The following HDAC9 variants were observed in gnomAD, a reference collection of about 807,000 sequenced individuals.
HDAC9 encodes the protein histone deacetylase 9, also known as MEF-2 interacting transcription repressor (MITR) protein.
Under a neutral mutation model 139.4 loss-of-function variants are expected in HDAC9, and 41 were observed. That is an observed-to-expected ratio of 0.29 (90% CI 0.23 to 0.38). The LOEUF (loss-of-function observed/expected upper bound fraction) is 0.38. Ranked by LOEUF, HDAC9 falls within the 10% of genes least tolerant of loss-of-function variation. The probability of loss-of-function intolerance (pLI) is 1.00; values close to 1 mark genes in which losing one functional copy is unlikely to be tolerated. For missense variants in HDAC9, 1,147 were observed against 1,297.0 expected, an observed-to-expected ratio of 0.88 and a Z score of 1.78; for synonymous variants, 517 against 476.2, an observed-to-expected ratio of 1.09 and a Z score of -1.12.
At chr7:18,611,956 A>T (rs1837283769) in intron 6 of HDAC9, among the ~76,000 whole-genome samples, 1 of 152,296 alleles carries the variant, frequency 6.6e-6, no homozygotes, top group Middle Eastern at 3.4e-3. Flanking sequence ...TTCAAAGGTG[A>T]AACCTGTTTC....
intron 1 of HDAC9, among the ~76,000 whole-genome samples, chr7:18,388,448 T>G (rs2128720822): frequency 6.6e-6 from 1 of 152,330 alleles, no homozygotes; most frequent in East Asian, 1.9e-4. Flanking sequence ...AAGGAGGAAG[T>G]ATTTTTGAGA....
intron 1 of HDAC9, among the ~76,000 whole-genome samples, chr7:18,357,569 A>G (rs1783419787): frequency 6.6e-6 from 1 of 151,700 alleles, no homozygotes; most frequent in Admixed American, 6.6e-5. Flanking sequence ...AAAAATAACA[A>G]TACATAATTA....
intron 8 of HDAC9, among the ~76,000 whole-genome samples, chr7:18,641,750 A>T (rs188000793): frequency 8.6e-5 from 13 of 152,042 alleles, no homozygotes; most frequent in African/African-American, 2.7e-4. Context: ...GCTCACTGCA[A>T]TGCTAAGGTG....
intron 2 of HDAC9, among the ~76,000 whole-genome samples, chr7:18,557,382 T>C (rs1351723461): frequency 6.6e-6 from 1 of 150,890 alleles, no homozygotes; most frequent in African/African-American, 2.4e-5. Context: ...CCTCCTGGTA[T>C]ACTTTAAAGT....
chr7:18,743,775 C>T (rs1787673533), intron 13 of HDAC9, among the ~76,000 whole-genome samples: 1 of 151,704 alleles, frequency 6.6e-6, no homozygotes, highest in Non-Finnish European at 1.5e-5. Context: ...GATAGATTAG[C>T]ATTATGGATA....
intron 1 of HDAC9, among the ~76,000 whole-genome samples, chr7:18,394,370 AGAGATAT>A (rs1786829005): frequency 6.6e-6 from 1 of 152,174 alleles, no homozygotes; most frequent in Non-Finnish European, 1.5e-5. Context: ...TAGAATCCTT[AGAGATAT>A]TGCTCAGCAT....
chr7:18,985,177 T>C (rs1380392233), intron 25 of HDAC9, among the ~76,000 whole-genome samples: 2 of 152,046 alleles, frequency 1.3e-5, no homozygotes, highest in East Asian at 1.9e-4. Flanking sequence ...CACCCACTAA[T>C]TCGTCATCTA....
chr7:18,248,631 C>A (rs535350625), intron 2 of HDAC9, among the ~76,000 whole-genome samples: 6 of 152,298 alleles, frequency 3.9e-5, no homozygotes, highest in African/African-American at 1.2e-4. Flanking sequence ...GAATGAAAAT[C>A]AGCTTTTTTC....
intron 25 of HDAC9, among the ~76,000 whole-genome samples, chr7:18,977,491 G>T (rs1287084526): frequency 6.6e-6 from 1 of 152,202 alleles, no homozygotes; most frequent in Non-Finnish European, 1.5e-5. Context: ...GTGATGTTAT[G>T]AGCCTCAAGT....
chr7:18,354,218 AG>A (rs1365361239), intron 1 of HDAC9, among the ~76,000 whole-genome samples: 1 of 152,186 alleles, frequency 6.6e-6, no homozygotes, highest in East Asian at 1.9e-4. Context: ...TAGGGAAAAA[AG>A]TCACTTTAAA....
chr7:18,630,854 A>C (rs1315210322), intron 7 of HDAC9, among the ~76,000 whole-genome samples: 1 of 152,066 alleles, frequency 6.6e-6, no homozygotes, highest in South Asian at 2.1e-4. Context: ...GTTTTAATGA[A>C]TGTGAAGAAT....
chr7:18,688,545 T>C (rs1453063278), intron 12 of HDAC9, among the ~76,000 whole-genome samples: 2 of 151,928 alleles, frequency 1.3e-5, no homozygotes, highest in Non-Finnish European at 2.9e-5. Flanking sequence ...ATAGTTTTCA[T>C]TTTCCAATTT....
At chr7:18,401,291 C>G (rs747518471) in intron 1 of HDAC9, among the ~76,000 whole-genome samples, 1 of 152,156 alleles carries the variant, frequency 6.6e-6, no homozygotes, top group Non-Finnish European at 1.5e-5. Flanking sequence ...CAGCTCCTCT[C>G]TACTCTGTAT....
intron 14 of HDAC9, among the ~76,000 whole-genome samples, chr7:18,756,313 A>G (rs954074331): frequency 6.6e-6 from 1 of 152,208 alleles, no homozygotes; most frequent in Admixed American, 6.6e-5. Flanking sequence ...ACACTAACTC[A>G]CAAGTGTCGT....
chr7:18,964,205 A>G (rs1328191873), intron 24 of HDAC9, among the ~76,000 whole-genome samples: 1 of 152,100 alleles, frequency 6.6e-6, no homozygotes, highest in Non-Finnish European at 1.5e-5. Context: ...ACCTTCTTTC[A>G]GTTCCTCTAG....
At chr7:18,797,784 G>T (rs1792934129) in intron 17 of HDAC9, among the ~76,000 whole-genome samples, 1 of 151,780 alleles carries the variant, frequency 6.6e-6, no homozygotes, top group South Asian at 2.1e-4. Flanking sequence ...AGCCGAGATT[G>T]CACTGCTGTA....
intron 1 of HDAC9, among the ~76,000 whole-genome samples, chr7:18,441,605 A>G (rs1051060476): frequency 6.6e-6 from 1 of 152,214 alleles, no homozygotes; most frequent in African/African-American, 2.4e-5. Flanking sequence ...TTCTGAGGAC[A>G]TTCTTCAGTA....
At chr7:18,377,081 A>T (rs1785048821) in intron 1 of HDAC9, among the ~76,000 whole-genome samples, 1 of 152,176 alleles carries the variant, frequency 6.6e-6, no homozygotes, top group Non-Finnish European at 1.5e-5. Flanking sequence ...TTATAGCAAC[A>T]GAAATTGATT....
At chr7:18,977,345 G>T (rs1420741152) in intron 25 of HDAC9, among the ~76,000 whole-genome samples, 9 of 152,138 alleles carry the variant, frequency 5.9e-5, no homozygotes, top group Non-Finnish European at 1.3e-4. Context: ...ATCTGTTAGT[G>T]TTGGATATAA....
Sources: gnomAD v4.1 joint callset for allele counts (sites outside exome capture counted in the v4.1 genomes callset) on GRCh38, gnomAD v4.1.1 for gene constraint, MANE v1.5 for transcripts, NCBI Gene and HGNC (gene_info 2026-07-23, HGNC 2026-07-21) for gene names.